The following ADCY1 variants were observed in gnomAD, a reference collection of about 807,000 sequenced individuals.
ADCY1 encodes the protein adenylate cyclase type 1.
In ADCY1, 28 loss-of-function variants were observed where a neutral mutation model predicts 105.4. The ratio of observed to expected loss-of-function variants is 0.27; its 90% CI spans 0.20 to 0.36. The LOEUF (loss-of-function observed/expected upper bound fraction) is 0.36. Among genes scored for constraint, ADCY1 ranks in the 10% least tolerant of loss-of-function variants. ADCY1 has a pLI of 1.00. For missense variants in ADCY1, 977 were observed against 1,434.2 expected, an observed-to-expected ratio of 0.68 and a Z score of 5.15; for synonymous variants, 655 against 623.8, an observed-to-expected ratio of 1.05 and a Z score of -0.75.
chr7:45,595,655 AGCTTT>A lies in ADCY1; in HGVS notation c.789+2753_789+2757del, dbSNP rs544388531. Among the ~76,000 whole-genome samples, 11 of 152,274 alleles carry A rather than the reference AGCTTT, an allele frequency of 7.2e-5. No homozygotes were observed. The South Asian group carries it at 1.9e-3, about 26-fold the overall frequency. ...CACGTTTCCCCAGGTCTGTTCCTCC[AGCTTT>A]GCTTTTCCTTGTGTAAAATTCAATC... On this transcript the variant is annotated intron_variant, in intron 2 of 19. Coordinates refer to ENST00000297323, the MANE Select transcript of ADCY1 (RefSeq NM_021116.4).
At position 45,713,962 on chromosome 7, in the gene ADCY1, C is replaced by T; in HGVS notation, c.3327C>T (p.Tyr1109=). The change falls in exon 20 of 20, where the codon TAC becomes TAT. Residue 1109 remains tyrosine (Y), a synonymous_variant. Transcript: ENST00000297323. ...TCCCTCCACACTCCCCAGGCCAGTA[C>T]CTGCCCTCTGCAGCAGCTGGGAAGG... ...AGLPPHSPGQ[Y]LPSAAAGKEA is the part of the protein sequence containing the mutation. 1 of 778,664 alleles carries T rather than the reference C, an allele frequency of 1.3e-6. No homozygotes were observed. The highest frequency in any genetic ancestry group is 2.4e-6 in the Non-Finnish European group (1 of 416,644). The allele number at this position is 778,664 out of a possible 1,614,324, so 48.2% of individuals were successfully genotyped here.
Position 45,703,608 on chromosome 7 carries a change from C to A in ADCY1, c.2580C>A (p.Tyr860Ter). 1 of 1,612,242 alleles carries A rather than the reference C, an allele frequency of 6.2e-7. No individual in the cohort carries two copies. Among genetic ancestry groups the A allele is most frequent in the Non-Finnish European group, 8.5e-7 (1 of 1,178,976 alleles). ...ATCCTTTGAACTTCCAGGACCTCTA[C>A]TACCAGTCCTACTCCCAGGTGGGCG... is the stretch of plus-strand genomic sequence containing the variant. Reference protein sequence around the residue: ...LMSNPRNMDLYYQSYSQVGVM... With the variant: ...LMSNPRNMDL The change falls in exon 16 of 20, where the codon TAC becomes TAA. Residue 860 changes from tyrosine (Y) to a stop codon, truncating the protein, a stop_gained. Coordinates refer to ENST00000297323, the MANE Select transcript of ADCY1 (RefSeq NM_021116.4). LOFTEE classifies it high-confidence loss of function. The surrounding 1 kb of genome is among the most constrained non-coding windows in gnomAD (Gnocchi z 5.9).
chr7:45,696,214 G>A (rs996041768), intron 14 of ADCY1, among the ~76,000 whole-genome samples: 4 of 152,038 alleles, frequency 2.6e-5, no homozygotes, highest in Admixed American at 6.5e-5. Flanking sequence ...CGAGGCGGGC[G>A]GATCATGAGG....
At position 45,713,804 on chromosome 7, in the gene ADCY1, A is replaced by G. The variant is rs200846809; in HGVS notation, c.3169A>G (p.Arg1057Gly). The change falls in exon 20 of 20, where the codon AGG (arginine) becomes GGG (glycine). Residue 1057 changes from arginine to glycine, a missense_variant. Arg to Gly is a moderately radical substitution (Grantham distance 125). Coordinates refer to ENST00000297323, the MANE Select transcript of ADCY1 (RefSeq NM_021116.4). ...GEMLTYFLEG[R>G]TDGNGSQIRS... Reference sequence around the variant, plus strand: ...GATGTTGACATACTTTCTAGAAGGCAGGACTGATGGAAACGGCTCCCAAAT... The same window carrying G: ...GATGTTGACATACTTTCTAGAAGGCGGGACTGATGGAAACGGCTCCCAAAT... The G allele has an allele frequency of 1.3e-6, 1 of 780,990 alleles. No homozygotes were observed. The highest frequency in any genetic ancestry group is 1.7e-5 in the African/African-American group (1 of 59,286). The allele number at this position is 780,990 out of a possible 1,614,324, so 48.4% of individuals were successfully genotyped here. A position where few individuals can be genotyped will look rare whatever the true frequency, so the allele number is the denominator to read the frequency against.
rs949336467 is a variant in ADCY1, at chr7:45,591,803, C to T, written c.640-956C>T. On this transcript the variant is annotated intron_variant, in intron 1 of 19. Transcript: ENST00000297323. The surrounding 1 kb of genome is among the most constrained non-coding windows in gnomAD (Gnocchi z 4.1). Reference sequence around the variant, plus strand: ...AGTGGGAAGTGATTGTGGAGGGGAACCCTGGGTCAGGCTGGCCCCAGGTGC... The same window carrying T: ...AGTGGGAAGTGATTGTGGAGGGGAATCCTGGGTCAGGCTGGCCCCAGGTGC... Among the ~76,000 whole-genome samples the T allele has an allele frequency of 6.6e-6, 1 of 152,154 alleles. No homozygotes were observed. Among genetic ancestry groups the T allele is most frequent in the Non-Finnish European group, 1.5e-5 (1 of 68,022 alleles).
At chr7:45,576,142 G>T (rs1282326578) in intron 1 of ADCY1, among the ~76,000 whole-genome samples, 2 of 152,210 alleles carry the variant, frequency 1.3e-5, no homozygotes, top group African/African-American at 2.4e-5. Context: ...CAAATGGAGT[G>T]GGGGAGCCCA....
At chr7:45,592,226 C>T (rs1216227600) in intron 1 of ADCY1, among the ~76,000 whole-genome samples, 1 of 152,074 alleles carries the variant, frequency 6.6e-6, no homozygotes, top group Non-Finnish European at 1.5e-5. Flanking sequence ...TGGAGAATCT[C>T]ACAGTCTGGA....
At position 45,708,500 on chromosome 7, in the gene ADCY1, G is replaced by A. The variant is rs1476656378; in HGVS notation, c.2932+36G>A. The A allele has an allele frequency of 1.3e-6, 2 of 1,518,478 alleles. No individual in the cohort carries two copies. Among genetic ancestry groups the A allele is most frequent in the East Asian group, 4.5e-5 (2 of 44,334 alleles). The allele number at this position is 1,518,478 out of a possible 1,614,324, so 94.1% of individuals were successfully genotyped here. On this transcript the variant is annotated intron_variant, in intron 18 of 19. Transcript: ENST00000297323. The surrounding 1 kb of genome is among the most constrained non-coding windows in gnomAD (Gnocchi z 4.7). ...CTAAACCTATCCTGTCCATCCATGT[G>A]GAACACCTTCCTACACCCACCTAGG...
intron 14 of ADCY1, among the ~76,000 whole-genome samples, chr7:45,702,283 A>C (rs1386840776): frequency 6.6e-6 from 1 of 152,194 alleles, no homozygotes; most frequent in Non-Finnish European, 1.5e-5. Context: ...ACAACCCTAC[A>C]AGTGTTCCCT....
At chr7:45,702,095 T>C (rs1785009718) in intron 14 of ADCY1, among the ~76,000 whole-genome samples, 1 of 152,206 alleles carries the variant, frequency 6.6e-6, no homozygotes, top group Non-Finnish European at 1.5e-5. Flanking sequence ...GCTCGGGGCC[T>C]CGTCATCTCT....
intron 3 of ADCY1, among the ~76,000 whole-genome samples, chr7:45,621,873 A>C (rs1267209457): frequency 6.6e-6 from 1 of 152,234 alleles, no homozygotes; most frequent in Non-Finnish European, 1.5e-5. Context: ...ACATTTTTAC[A>C]GACAAAAATA....
chr7:45,663,974 G>A (rs1309437801), intron 8 of ADCY1, among the ~76,000 whole-genome samples: 1 of 152,170 alleles, frequency 6.6e-6, no homozygotes, highest in Non-Finnish European at 1.5e-5. Context: ...CTAACAGAAG[G>A]AGGGGAGTGA....
intron 14 of ADCY1, among the ~76,000 whole-genome samples, chr7:45,699,553 G>A (rs192469221): frequency 3.1e-4 from 47 of 151,902 alleles, no homozygotes; most frequent in African/African-American, 1.1e-3. Context: ...AGCAGCCAGG[G>A]TGAGAGCTGC....
chr7:45,687,945 C>A (rs894930760), intron 14 of ADCY1, among the ~76,000 whole-genome samples: 2 of 152,208 alleles, frequency 1.3e-5, no homozygotes, highest in Non-Finnish European at 2.9e-5. Flanking sequence ...AGACACCAGA[C>A]AGGCACAGCC....
At chr7:45,625,127 C>A in intron 4 of ADCY1, among the ~76,000 whole-genome samples, 1 of 152,222 alleles carries the variant, frequency 6.6e-6, no homozygotes, top group Non-Finnish European at 1.5e-5. Flanking sequence ...TGGTGCTGGG[C>A]TGTCACCCTG....
At chr7:45,624,648 T>C (rs1794000689) in intron 4 of ADCY1, among the ~76,000 whole-genome samples, 1 of 152,182 alleles carries the variant, frequency 6.6e-6, no homozygotes, top group Non-Finnish European at 1.5e-5. Flanking sequence ...ATCTTTCTGC[T>C]GGGCACTGGA....
chr7:45,637,919 T>C (rs1333143935), intron 4 of ADCY1, among the ~76,000 whole-genome samples: 4 of 152,222 alleles, frequency 2.6e-5, no homozygotes, highest in Non-Finnish European at 4.4e-5. Flanking sequence ...TGTTGTTCTA[T>C]TGTCTTCTCT....
intron 3 of ADCY1, among the ~76,000 whole-genome samples, chr7:45,614,078 C>A (rs552164749): frequency 6.6e-6 from 1 of 152,118 alleles, no homozygotes; most frequent in Non-Finnish European, 1.5e-5. Flanking sequence ...AAATACGATA[C>A]TTATTGGTAA....
intron 3 of ADCY1, among the ~76,000 whole-genome samples, chr7:45,619,692 G>A (rs1043772802): frequency 1.3e-5 from 2 of 152,146 alleles, no homozygotes; most frequent in Admixed American, 1.3e-4. Flanking sequence ...CAAATTCATA[G>A]CAGCAAAGTA....
Sources: gnomAD v4.1 joint callset for allele counts (sites outside exome capture counted in the v4.1 genomes callset) on GRCh38, gnomAD v4.1.1 for gene constraint, Gnocchi (gnomAD v3.1) non-coding constraint, MANE v1.5 for transcripts, NCBI Gene and HGNC (gene_info 2026-07-23, HGNC 2026-07-21) for gene names.